Variants in PLD5 observed in about 807,000 individuals in gnomAD.
PLD5 encodes phospholipase D family member 5, also known as inactive phospholipase D5.
In PLD5, 36 loss-of-function variants were observed where a neutral mutation model predicts 61.1. That is an observed-to-expected ratio of 0.59 (90% confidence interval 0.45 to 0.78). The LOEUF is 0.78. PLD5 is among the 30% of genes least tolerant of loss of function. The pLI is 0.00. For missense variants in PLD5, 515 were observed against 644.4 expected, an observed-to-expected ratio of 0.80 and a Z score of 2.17; for synonymous variants, 243 against 242.8, an observed-to-expected ratio of 1.00 and a Z score of -0.01.
intron 1 of PLD5, among the ~76,000 whole-genome samples, chr1:242,439,896 G>C (rs987988279): frequency 1.3e-5 from 2 of 152,202 alleles, no homozygotes; most frequent in African/African-American, 4.8e-5. Context: ...AACAGGGACA[G>C]TATAAGCCAC....
intron 5 of PLD5, among the ~76,000 whole-genome samples, chr1:242,144,552 G>A (rs1031883139): frequency 2.6e-5 from 4 of 152,030 alleles, no homozygotes; most frequent in East Asian, 1.9e-4. Flanking sequence ...AGGCTGAGGC[G>A]GGAGGATCAC....
intron 1 of PLD5, among the ~76,000 whole-genome samples, chr1:242,411,639 A>G (rs1226370718): frequency 6.6e-6 from 1 of 152,202 alleles, no homozygotes; most frequent in Non-Finnish European, 1.5e-5. Context: ...TTATAGGATG[A>G]TTTTGACCAT....
intron 1 of PLD5, among the ~76,000 whole-genome samples, chr1:242,494,824 T>G (rs964973725): frequency 1.3e-5 from 2 of 152,080 alleles, no homozygotes; most frequent in African/African-American, 4.8e-5. Context: ...TCTGCAAAAC[T>G]TTAGTGGGCT....
chr1:242,133,707 C>T (rs912925035), intron 5 of PLD5, among the ~76,000 whole-genome samples: 1 of 152,078 alleles, frequency 6.6e-6, no homozygotes, highest in African/African-American at 2.4e-5. Context: ...GACAATTATT[C>T]ATTTGGCATC....
chr1:242,467,545 T>G (rs1014537828), intron 1 of PLD5, among the ~76,000 whole-genome samples: 1 of 152,214 alleles, frequency 6.6e-6, no homozygotes, highest in African/African-American at 2.4e-5. Flanking sequence ...TGACCAAATA[T>G]AGCAATTTGG....
rs142258424 is a variant in PLD5 at position 242,108,459 on chromosome 1, T to C, written c.1071-620A>G. The stretch of plus-strand genomic sequence containing the variant: ...GAATCCTTAAGCCTTTGCCTTAACT[T>C]GATCCTGATTTCTTCCCTGAGGCCA... On this transcript the variant is annotated intron_variant, in intron 7 of 9. Transcript: ENST00000536534. Among the ~76,000 whole-genome samples, 594 of 152,268 alleles carry C rather than the reference T, an allele frequency of 3.9e-3. 4 individuals carry two copies. The highest frequency in any genetic ancestry group is 0.017 in the South Asian group (82 of 4,816).
At chr1:242,213,260 C>T (rs1669942360) in intron 5 of PLD5, among the ~76,000 whole-genome samples, 2 of 152,100 alleles carry the variant, frequency 1.3e-5, no homozygotes, top group Admixed American at 1.3e-4. Context: ...AAAGTGCTTC[C>T]TCAAGGAATG....
intron 1 of PLD5, among the ~76,000 whole-genome samples, chr1:242,502,366 G>C (rs1450476363): frequency 6.6e-6 from 1 of 152,114 alleles, no homozygotes; most frequent in Non-Finnish European, 1.5e-5. Context: ...AGCCAAGCAC[G>C]CATACTGCCC....
chr1:242,139,052 T>C (rs905396660), intron 5 of PLD5, among the ~76,000 whole-genome samples: 1 of 152,184 alleles, frequency 6.6e-6, no homozygotes, highest in African/African-American at 2.4e-5. Context: ...ACCTGAATGC[T>C]GGAGAGGGAC....
intron 1 of PLD5, among the ~76,000 whole-genome samples, chr1:242,511,005 A>C (rs1668891103): frequency 6.6e-6 from 1 of 152,172 alleles, no homozygotes. Context: ...TAATATACTT[A>C]TGAGAAAATA....
At chr1:242,343,775 A>G (rs1659973728) in intron 2 of PLD5, among the ~76,000 whole-genome samples, 1 of 120,450 alleles carries the variant, frequency 8.3e-6, no homozygotes, top group Admixed American at 8.0e-5. Flanking sequence ...GCAAAAAAAA[A>G]AATTCAAAAA....
At chr1:242,408,000 T>C (rs1167979423) in intron 1 of PLD5, among the ~76,000 whole-genome samples, 1 of 152,362 alleles carries the variant, frequency 6.6e-6, no homozygotes, top group East Asian at 1.9e-4. Flanking sequence ...TATTTTTTAT[T>C]TTTTTAATAG....
At chr1:242,486,328 CT>C (rs1667958702) in intron 1 of PLD5, among the ~76,000 whole-genome samples, 1 of 152,032 alleles carries the variant, frequency 6.6e-6, no homozygotes, top group African/African-American at 2.4e-5. Context: ...TGACAAAGGG[CT>C]AATATCCAGA....
chr1:242,484,753 C>CA (rs1283865250), intron 1 of PLD5, among the ~76,000 whole-genome samples: 1 of 151,830 alleles, frequency 6.6e-6, no homozygotes, highest in East Asian at 1.9e-4. Context: ...AGAGACACAG[C>CA]AAAAAAAGAG....
At chr1:242,148,933 T>A (rs1291365706) in intron 5 of PLD5, among the ~76,000 whole-genome samples, 6 of 150,376 alleles carry the variant, frequency 4.0e-5, no homozygotes, top group Non-Finnish European at 5.9e-5. Context: ...TCTTTGGGAA[T>A]TTTTACATAA....
chr1:242,285,325 C>A (rs1347340623), intron 3 of PLD5, among the ~76,000 whole-genome samples: 1 of 151,992 alleles, frequency 6.6e-6, no homozygotes, highest in Non-Finnish European at 1.5e-5. Context: ...TGGTGAAACC[C>A]CATCCCTACT....
rs200034961 is a variant in PLD5 at position 242,124,539 on chromosome 1, A to G, written c.862T>C (p.Tyr288His). The G allele has an allele frequency of 6.2e-6, 10 of 1,613,750 alleles. No homozygotes were observed. Among genetic ancestry groups the G allele is most frequent in the Middle Eastern group, 1.6e-4 (1 of 6,084 alleles). Reference protein sequence around the residue: ...RVPQTWSKRLYGVYDNEKKLQ... With the variant: ...RVPQTWSKRLHGVYDNEKKLQ... ...TTCTTTTCATTGTCATAGACTCCATAGAGTCTTTTGGACCAGGTTTGAGGC... is the reference window on the plus strand; with the variant it reads ...TTCTTTTCATTGTCATAGACTCCATGGAGTCTTTTGGACCAGGTTTGAGGC... Residue 288 changes from tyrosine (Y) to histidine (H), a missense_variant, in exon 6 of 10, where the codon TAT becomes CAT. This residue lies in a region of PLD5 where 450 missense variants were observed against 598.1 expected (regional missense o/e 0.75). Transcript: ENST00000536534.
At chr1:242,418,823 C>T (rs1367476216) in intron 1 of PLD5, among the ~76,000 whole-genome samples, 11 of 152,198 alleles carry the variant, frequency 7.2e-5, no homozygotes, top group Non-Finnish European at 1.5e-5. Context: ...ATTATGGACA[C>T]GTGTTCTTGA....
chr1:242,095,199 C>T (rs144403756), intron 9 of PLD5, among the ~76,000 whole-genome samples: 347 of 151,870 alleles, frequency 2.3e-3, no homozygotes, highest in African/African-American at 7.8e-3. Context: ...CTTCCCAAAG[C>T]GCTGGAATTA....
Sources: gnomAD v4.1 joint callset for allele counts (sites outside exome capture counted in the v4.1 genomes callset) on GRCh38, gnomAD v4.1.1 for gene constraint, gnomAD v4.1.1 regional missense constraint, MANE v1.5 for transcripts, NCBI Gene and HGNC (gene_info 2026-07-23, HGNC 2026-07-21) for gene names.